Variants in SLC41A2 observed in about 807,000 individuals in gnomAD.
The protein encoded by SLC41A2 is solute carrier family 41 member 2.
Under a neutral mutation model 58.3 loss-of-function variants are expected in SLC41A2, and 32 were observed. The ratio of observed to expected loss-of-function variants is 0.55; its 90% CI spans 0.41 to 0.74. The LOEUF (loss-of-function observed/expected upper bound fraction) is 0.74, where lower values mean the gene tolerates loss of function less well. SLC41A2 is among the 30% of genes least tolerant of loss of function. SLC41A2 has a pLI of 0.00. For missense variants in SLC41A2, 514 were observed against 680.6 expected (o/e 0.76, Z 2.72); for synonymous variants, 190 against 235.0 (o/e 0.81, Z 1.75).
Position 104,837,969 on chromosome 12 carries a change from T to C in SLC41A2, c.1536+6503A>G, listed in dbSNP as rs1297612176. 2.6e-5 allele frequency among the ~76,000 whole-genome samples: 4 copies of C among 152,202 alleles called. No homozygotes were observed. In the East Asian group the frequency reaches 5.8e-4, roughly 22 times the overall value. On this transcript the variant is annotated intron_variant, in intron 10 of 10. Coordinates refer to ENST00000258538, the MANE Select transcript of SLC41A2 (RefSeq NM_001352171.3). ...ACTCAAGAGTGACTCTGAAGACTGA[T>C]ATTTCTACAATGCTCTGCTTACTGG... is the stretch of plus-strand genomic sequence containing the variant.
chr12:104,895,105 A>G (rs1269162120), intron 4 of SLC41A2, among the ~76,000 whole-genome samples, 169 bp downstream of exon 4: 4 of 152,196 alleles, frequency 2.6e-5, no homozygotes, highest in African/African-American at 9.6e-5. Context: ...TTCAGAGCTC[A>G]TAGGTATCCA....
intron 10 of SLC41A2, among the ~76,000 whole-genome samples, chr12:104,814,071 A>AC (rs2041290431): frequency 6.6e-6 from 1 of 152,236 alleles, no homozygotes; most frequent in African/African-American, 2.4e-5. Flanking sequence ...TATGTTTCAG[A>AC]ATAAACATAT....
intron 4 of SLC41A2, among the ~76,000 whole-genome samples, chr12:104,889,567 A>G (rs2044845223): frequency 6.6e-6 from 1 of 152,196 alleles, no homozygotes; most frequent in South Asian, 2.1e-4. Flanking sequence ...GAAAGATAGG[A>G]GTTTGACTCC....
intron 6 of SLC41A2, among the ~76,000 whole-genome samples, chr12:104,872,798 AT>A (rs1223587218): frequency 1.3e-5 from 2 of 152,204 alleles, no homozygotes; most frequent in African/African-American, 4.8e-5. Context: ...TAGTACATGT[AT>A]GAAAGCTAAC....
intron 6 of SLC41A2, among the ~76,000 whole-genome samples, chr12:104,877,983 T>C (rs2044138781): frequency 1.3e-5 from 2 of 152,114 alleles, no homozygotes; most frequent in Non-Finnish European, 2.9e-5. Flanking sequence ...CACTCCAGCC[T>C]GGATGACAGA....
At chr12:104,893,290 A>G (rs2045108276) in intron 4 of SLC41A2, among the ~76,000 whole-genome samples, 1 of 152,244 alleles carries the variant, frequency 6.6e-6, no homozygotes. Flanking sequence ...AATGCAAATC[A>G]AAACTACAAT....
chr12:104,845,873 A>G lies in SLC41A2; in HGVS notation c.1357T>C (p.Tyr453His). 1 of 1,613,760 alleles carries G rather than the reference A, an allele frequency of 6.2e-7. No homozygotes were observed. Among genetic ancestry groups the G allele is most frequent in the Non-Finnish European group, 8.5e-7 (1 of 1,179,768 alleles). The change falls in exon 9 of 11, where the codon TAC becomes CAC. Residue 453 changes from tyrosine (Y) to histidine (H), a missense_variant. Physicochemically the swap from Tyr to His is moderately conservative, Grantham distance 83. Transcript: ENST00000258538. ...GELPDEPKGC[Y>H]YPFRTFFGPG... ...CCAAAGAAAGTTCTAAATGGGTAGT[A>G]ACAACCTTTGGGTTCATCAGGCAAT... is the stretch of plus-strand genomic sequence containing the variant.
chr12:104,918,667 A>G (rs779609131), intron 2 of SLC41A2, among the ~76,000 whole-genome samples: 1 of 150,878 alleles, frequency 6.6e-6, no homozygotes, highest in Non-Finnish European at 1.5e-5. Context: ...GTCATTTCTA[A>G]GGAAGGGCCC....
At chr12:104,932,193 T>C (rs1358440033) in intron 1 of SLC41A2, among the ~76,000 whole-genome samples, 1 of 152,200 alleles carries the variant, frequency 6.6e-6, no homozygotes, top group Non-Finnish European at 1.5e-5. Flanking sequence ...TTAAACTTTC[T>C]TCCTTTAACT....
At chr12:104,905,267 A>G (rs983016686) in intron 3 of SLC41A2, among the ~76,000 whole-genome samples, 13 of 152,148 alleles carry the variant, frequency 8.5e-5, no homozygotes, top group African/African-American at 2.9e-4. Flanking sequence ...TGTATTTACA[A>G]TCCTTGAGCT....
chr12:104,914,578 T>C (rs1265493320), intron 2 of SLC41A2, among the ~76,000 whole-genome samples: 3 of 152,164 alleles, frequency 2.0e-5, no homozygotes, highest in Non-Finnish European at 4.4e-5. Context: ...GACATCATTG[T>C]GTTTCCCTCA....
At chr12:104,881,893 C>T (rs1373691877) in intron 6 of SLC41A2, among the ~76,000 whole-genome samples, 1 of 152,162 alleles carries the variant, frequency 6.6e-6, no homozygotes, top group Non-Finnish European at 1.5e-5. Flanking sequence ...TCTCGTTGAT[C>T]TGTCTAATGT....
chr12:104,869,540 A>G (rs1301539757), intron 6 of SLC41A2, among the ~76,000 whole-genome samples: 7 of 152,212 alleles, frequency 4.6e-5, no homozygotes, highest in Non-Finnish European at 2.9e-5. Flanking sequence ...TCTTCAAATA[A>G]AAGTTTGTTA....
At chr12:104,857,360 C>G (rs771510229) in intron 8 of SLC41A2, among the ~76,000 whole-genome samples, 7 of 152,096 alleles carry the variant, frequency 4.6e-5, no homozygotes, top group Non-Finnish European at 1.0e-4. Flanking sequence ...TAAGAAATCC[C>G]GTAGTAGGAT....
rs545764630 is a variant in SLC41A2 at position 104,874,384 on chromosome 12, C to T, written c.1028-7805G>A. ...CCATCACGCCCAGCCAAATGCTGCC[C>T]GATTTTTTGATGTGATATCCAAAAA... On this transcript the variant is annotated intron_variant, in intron 6 of 10. Transcript: ENST00000258538. Among the ~76,000 whole-genome samples the T allele has an allele frequency of 2.2e-4, 33 of 152,134 alleles. 1 individual carries two copies. Among genetic ancestry groups the T allele is most frequent in the African/African-American group, 5.8e-4 (24 of 41,520 alleles).
chr12:104,874,034 G>T (rs2043917913), intron 6 of SLC41A2, among the ~76,000 whole-genome samples: 1 of 150,168 alleles, frequency 6.7e-6, no homozygotes, highest in Non-Finnish European at 1.5e-5. Flanking sequence ...TTTAAATTTG[G>T]CGTAGTCTCA....
chr12:104,856,950 T>C (rs2043040387), intron 8 of SLC41A2, among the ~76,000 whole-genome samples: 1 of 152,100 alleles, frequency 6.6e-6, no homozygotes, highest in African/African-American at 2.4e-5. Context: ...AAATATAACT[T>C]TATATGATAA....
intron 8 of SLC41A2, among the ~76,000 whole-genome samples, chr12:104,850,047 T>C (rs1479414703): frequency 6.6e-6 from 1 of 152,134 alleles, no homozygotes; most frequent in Non-Finnish European, 1.5e-5. Flanking sequence ...CAGGAGATTT[T>C]TGAAGAAGAA....
intron 10 of SLC41A2, among the ~76,000 whole-genome samples, chr12:104,833,799 T>G (rs954036431): frequency 1.3e-5 from 2 of 150,932 alleles, no homozygotes; most frequent in Non-Finnish European, 3.0e-5. Context: ...TTTTTTTTTG[T>G]GGGGGGTGAA....
Sources: gnomAD v4.1 joint callset for allele counts (sites outside exome capture counted in the v4.1 genomes callset) on GRCh38, gnomAD v4.1.1 for gene constraint, MANE v1.5 for transcripts, NCBI Gene and HGNC (gene_info 2026-07-23, HGNC 2026-07-21) for gene names.